The following PRELID2 variants were observed in gnomAD, a reference collection of about 807,000 sequenced individuals.
PRELID2 encodes the protein PRELI domain containing 2, also known as PRELI domain-containing protein 2.
In PRELID2, 25 loss-of-function variants were observed where a neutral mutation model predicts 28.4. That is an observed-to-expected ratio of 0.88 (90% CI 0.64 to 1.23). PRELID2 has a LOEUF of 1.23. Among genes scored for constraint, PRELID2 ranks in the 50% most tolerant of loss-of-function variants. The pLI is 0.00. For missense variants in PRELID2, 201 were observed against 214.4 expected (o/e 0.94, Z 0.39); for synonymous variants, 76 against 71.6 (o/e 1.06, Z -0.31).
At chr5:145,311,819 T>C in the PRELID2 span, among the ~76,000 whole-genome samples, 1 of 152,162 alleles carries the variant, frequency 6.6e-6, no homozygotes, top group East Asian at 1.9e-4. Flanking sequence ...GAGTAGTGCA[T>C]TTCACACTTT....
At chr5:145,739,243 C>T (rs578154161) in intron 1 of PRELID2, among the ~76,000 whole-genome samples, 9 of 152,262 alleles carry the variant, frequency 5.9e-5, no homozygotes, top group African/African-American at 1.9e-4. Flanking sequence ...CGGTGGCTCA[C>T]GCCTGTAATC....
At chr5:145,430,747 C>G in the PRELID2 span, among the ~76,000 whole-genome samples, 6 of 152,162 alleles carry the variant, frequency 3.9e-5, no homozygotes, top group Non-Finnish European at 7.3e-5. Flanking sequence ...GCTGTGCATT[C>G]TCACAGGGCC....
intron 1 of PRELID2, among the ~76,000 whole-genome samples, chr5:145,581,472 T>C (rs542597793): frequency 5.3e-5 from 8 of 152,054 alleles, no homozygotes; most frequent in African/African-American, 1.9e-4. Flanking sequence ...GTAAGACAAG[T>C]CTCTTGCAGG....
the PRELID2 span, among the ~76,000 whole-genome samples, chr5:145,342,202 C>A: frequency 1.3e-5 from 2 of 152,168 alleles, no homozygotes; most frequent in African/African-American, 2.4e-5. Context: ...CCAAGATAGA[C>A]AAATCTTGAG....
the PRELID2 span, among the ~76,000 whole-genome samples, chr5:145,371,040 A>G: frequency 6.6e-6 from 1 of 152,094 alleles, no homozygotes; most frequent in Non-Finnish European, 1.5e-5. Context: ...TTCTAAATAT[A>G]CAATCATGTC....
At chr5:145,520,540 C>G (rs76681411) in intron 1 of PRELID2, among the ~76,000 whole-genome samples, 2 of 152,104 alleles carry the variant, frequency 1.3e-5, no homozygotes, top group African/African-American at 4.8e-5. Flanking sequence ...GAATGTGCTG[C>G]CCCCTCTCTC....
At chr5:145,230,254 C>A in the PRELID2 span, among the ~76,000 whole-genome samples, 3 of 151,924 alleles carry the variant, frequency 2.0e-5, no homozygotes, top group African/African-American at 7.3e-5. Flanking sequence ...GGGGAAGCTG[C>A]GGTGGAGAGC....
chr5:145,306,250 C>T, the PRELID2 span, among the ~76,000 whole-genome samples: 8 of 152,092 alleles, frequency 5.3e-5, no homozygotes, highest in South Asian at 2.1e-4. Flanking sequence ...TTATGTCAGT[C>T]GGAATATAAC....
At chr5:145,527,560 G>A (rs1346655628) in intron 1 of PRELID2, among the ~76,000 whole-genome samples, 1 of 152,184 alleles carries the variant, frequency 6.6e-6, no homozygotes, top group Non-Finnish European at 1.5e-5. Flanking sequence ...TAAAGCCTCT[G>A]AAATTCTGAA....
intron 1 of PRELID2, among the ~76,000 whole-genome samples, chr5:145,488,481 G>A (rs1388415409): frequency 6.6e-6 from 1 of 152,036 alleles, no homozygotes; most frequent in Non-Finnish European, 1.5e-5. Context: ...TTGGGTTTCT[G>A]TCACTTATAA....
the PRELID2 span, among the ~76,000 whole-genome samples, chr5:145,383,284 C>G: frequency 6.6e-6 from 1 of 151,076 alleles, no homozygotes; most frequent in African/African-American, 2.4e-5. Context: ...TACACACATA[C>G]GTACATATAT....
At chr5:145,731,960 T>C (rs1756359504) in intron 1 of PRELID2, among the ~76,000 whole-genome samples, 1 of 152,222 alleles carries the variant, frequency 6.6e-6, no homozygotes. Flanking sequence ...TATATCACCT[T>C]CTGTGTTTTC....
intron 1 of PRELID2, among the ~76,000 whole-genome samples, chr5:145,565,078 G>C (rs1419067552): frequency 6.6e-6 from 1 of 151,888 alleles, no homozygotes; most frequent in African/African-American, 2.4e-5. Context: ...GGGAGCTGCA[G>C]ACCAGAGCTG....
the PRELID2 span, among the ~76,000 whole-genome samples, chr5:145,319,601 G>A: frequency 6.6e-6 from 1 of 151,964 alleles, no homozygotes; most frequent in African/African-American, 2.4e-5. Context: ...AACCCGTGAG[G>A]CAGAGGTTGC....
intron 1 of PRELID2, among the ~76,000 whole-genome samples, chr5:145,586,571 T>C (rs1158551392): frequency 6.6e-6 from 1 of 152,146 alleles, no homozygotes; most frequent in Non-Finnish European, 1.5e-5. Context: ...TGTCAGCTTG[T>C]TTTAATCACA....
the PRELID2 span, among the ~76,000 whole-genome samples, chr5:145,383,826 GCACATACACACA>G: frequency 2.6e-5 from 4 of 150,972 alleles, no homozygotes; most frequent in African/African-American, 9.7e-5. Context: ...GCACACACAT[GCACATACACACA>G]CACATACACA....
chr5:145,626,378 T>C (rs933372325), intron 1 of PRELID2, among the ~76,000 whole-genome samples: 4 of 151,906 alleles, frequency 2.6e-5, no homozygotes, highest in South Asian at 2.1e-4. Context: ...AGAAGAGCTG[T>C]TTTTCAAAAG....
chr5:145,755,511 T>A (rs1757233351), downstream of PRELID2, among the ~76,000 whole-genome samples: 1 of 152,158 alleles, frequency 6.6e-6, no homozygotes, highest in Non-Finnish European at 1.5e-5. Context: ...AGGCAACCAA[T>A]TTTTCTTCAG....
At chr5:145,272,081 C>T in the PRELID2 span, among the ~76,000 whole-genome samples, 1 of 129,746 alleles carries the variant, frequency 7.7e-6, no homozygotes, top group Non-Finnish European at 1.6e-5. Context: ...TGGATGGCAA[C>T]ATATTTTTTT....
Sources: allele counts gnomAD v4.1 joint callset (sites outside exome capture counted in the v4.1 genomes callset), GRCh38; gene constraint gnomAD v4.1.1; transcripts MANE v1.5; gene names NCBI Gene and HGNC (gene_info 2026-07-23, HGNC 2026-07-21).